PKIG: variants seen among roughly 807,000 people sequenced by gnomAD.
PKIG encodes cAMP-dependent protein kinase inhibitor gamma, also known as protein kinase (cAMP-dependent, catalytic) inhibitor gamma.
PKIG carries 1 observed loss-of-function variant against 6.8 expected under a neutral mutation model. The observed-to-expected ratio is 0.15, with a 90% CI of 0.05 to 0.69. The LOEUF (loss-of-function observed/expected upper bound fraction) is 0.69, where lower values mean the gene tolerates loss of function less well. Among genes scored for constraint, PKIG ranks in the 30% least tolerant of loss-of-function variants. The pLI is 0.82. For synonymous variants in PKIG, 39 were observed against 43.0 expected, an observed-to-expected ratio of 0.91 and a Z score of 0.36; for missense variants, 77 against 104.0, an observed-to-expected ratio of 0.74 and a Z score of 1.13.
intron 1 of PKIG, among the ~76,000 whole-genome samples, chr20:44,568,562 TG>T (rs2064829124): frequency 6.6e-6 from 1 of 152,092 alleles, no homozygotes; most frequent in Non-Finnish European, 1.5e-5. Flanking sequence ...GTGATTCTCC[TG>T]CCTCAGCCTC....
intron 2 of PKIG, among the ~76,000 whole-genome samples, chr20:44,613,672 C>T (rs1027998326): frequency 6.6e-6 from 1 of 152,210 alleles, no homozygotes; most frequent in African/African-American, 2.4e-5. Context: ...CAAGTTATAT[C>T]TAGAATCCTT....
chr20:44,558,574 T>TTTC (rs2064736616), intron 1 of PKIG, among the ~76,000 whole-genome samples: 12 of 131,900 alleles, frequency 9.1e-5, no homozygotes, highest in Non-Finnish European at 1.9e-4. Context: ...TTTTTTTCTT[T>TTTC]TTTCTTTCTT....
chr20:44,540,744 A>C (rs1455921459), intron 1 of PKIG, among the ~76,000 whole-genome samples: 1 of 151,818 alleles, frequency 6.6e-6, no homozygotes, highest in Non-Finnish European at 1.5e-5. Context: ...TACCCGGCTA[A>C]TTTTTAAAAA....
intron 1 of PKIG, among the ~76,000 whole-genome samples, chr20:44,573,557 T>C (rs2064871492): frequency 6.6e-6 from 1 of 152,226 alleles, no homozygotes; most frequent in Non-Finnish European, 1.5e-5. Flanking sequence ...AAAGGTACTT[T>C]CTGGACTATA....
intron 1 of PKIG, among the ~76,000 whole-genome samples, chr20:44,567,562 C>T (rs1175935526): frequency 2.6e-5 from 4 of 152,186 alleles, no homozygotes; most frequent in African/African-American, 7.2e-5. Flanking sequence ...CATCAGGTGG[C>T]GTAACTCAAG....
At chr20:44,582,150 A>G (rs930945579), upstream of PKIG, among the ~76,000 whole-genome samples, 2 of 152,174 alleles carry the variant, frequency 1.3e-5, no homozygotes, top group African/African-American at 4.8e-5. Context: ...GAGAAATGAA[A>G]CAACTTGGAA....
intron 2 of PKIG, among the ~76,000 whole-genome samples, chr20:44,611,336 G>A (rs2065217091): frequency 6.6e-6 from 1 of 151,968 alleles, no homozygotes; most frequent in African/African-American, 2.4e-5. Flanking sequence ...TTATAGGCAT[G>A]AGCCACCGCA....
At chr20:44,608,035 G>A (rs901453782) in intron 2 of PKIG, among the ~76,000 whole-genome samples, 1 of 151,956 alleles carries the variant, frequency 6.6e-6, no homozygotes, top group Admixed American at 6.6e-5. Flanking sequence ...AAGGGAAGGA[G>A]AAAAAGGGGG....
At chr20:44,532,382 C>T (rs1449360999) in intron 1 of PKIG, among the ~76,000 whole-genome samples, 1 of 152,194 alleles carries the variant, frequency 6.6e-6, no homozygotes, top group African/African-American at 2.4e-5. Context: ...TAGCACCTGT[C>T]TGATGACGTT....
chr20:44,610,500 T>TCACACA (rs559846553), intron 2 of PKIG, among the ~76,000 whole-genome samples: 2,386 of 135,478 alleles, frequency 0.018, 44 homozygotes, highest in South Asian at 0.067. Flanking sequence ...TCTCTCTCTC[T>TCACACA]CACACACACA....
At chr20:44,538,336 T>C (rs1029325776) in intron 1 of PKIG, among the ~76,000 whole-genome samples, 3 of 152,202 alleles carry the variant, frequency 2.0e-5, no homozygotes, top group African/African-American at 7.2e-5. Flanking sequence ...CATTTTCAAA[T>C]GAGAAAATTG....
At chr20:44,570,883 G>C (rs2064848216) in intron 1 of PKIG, among the ~76,000 whole-genome samples, 1 of 152,166 alleles carries the variant, frequency 6.6e-6, no homozygotes, top group Non-Finnish European at 1.5e-5. Flanking sequence ...AGGTCTCAGT[G>C]ATAAGGATAG....
At chr20:44,598,122 C>T (rs1168893342) in intron 2 of PKIG, among the ~76,000 whole-genome samples, 1 of 152,166 alleles carries the variant, frequency 6.6e-6, no homozygotes, top group Non-Finnish European at 1.5e-5. Flanking sequence ...CCGGCTGCTG[C>T]TCTTTCCTGG....
intron 1 of PKIG, among the ~76,000 whole-genome samples, chr20:44,534,420 TAGC>T (rs945462074): frequency 2.0e-5 from 3 of 151,924 alleles, no homozygotes; most frequent in South Asian, 2.1e-4. Flanking sequence ...TGTCGGCAGA[TAGC>T]AGGCATTTAT....
At chr20:44,572,078 A>G (rs1600862079) in intron 1 of PKIG, among the ~76,000 whole-genome samples, 1 of 152,350 alleles carries the variant, frequency 6.6e-6, no homozygotes, top group East Asian at 1.9e-4. Flanking sequence ...ATCTCAGCTC[A>G]TTACAACCTC....
chr20:44,583,157 A>G (rs1568821588), intron 1 of PKIG, among the ~76,000 whole-genome samples: 1 of 152,164 alleles, frequency 6.6e-6, no homozygotes, highest in Non-Finnish European at 1.5e-5. Context: ...AAAATTCCCT[A>G]TTATCTTCCC....
intron 1 of PKIG, among the ~76,000 whole-genome samples, chr20:44,551,246 G>A (rs1364726807): frequency 6.6e-6 from 1 of 152,080 alleles, no homozygotes; most frequent in East Asian, 1.9e-4. Flanking sequence ...AGTAGAGACG[G>A]GGTTTCACCG....
chr20:44,541,746 T>G (rs1432289048), intron 1 of PKIG, among the ~76,000 whole-genome samples: 1 of 149,684 alleles, frequency 6.7e-6, no homozygotes. Flanking sequence ...CAGGCTGGAG[T>G]GCAATGGATC....
At chr20:44,551,507 A>C (rs986537625) in intron 1 of PKIG, among the ~76,000 whole-genome samples, 1 of 152,220 alleles carries the variant, frequency 6.6e-6, no homozygotes. Flanking sequence ...TTTAAAAATC[A>C]AGCAGAGTAA....
Sources: allele counts gnomAD v4.1 joint callset (sites outside exome capture counted in the v4.1 genomes callset), GRCh38; gene constraint gnomAD v4.1.1; transcripts MANE v1.5; gene names NCBI Gene and HGNC (gene_info 2026-07-23, HGNC 2026-07-21).